Variants in AGAP1 observed in about 807,000 individuals in gnomAD.
AGAP1 encodes the protein arf-GAP with GTPase, ANK repeat and PH domain-containing protein 1.
In AGAP1, 29 loss-of-function variants were observed where a neutral mutation model predicts 105.3. The ratio of observed to expected loss-of-function variants is 0.28; its 90% CI spans 0.21 to 0.38. AGAP1 has a LOEUF of 0.38. Ranked by LOEUF, AGAP1 falls within the 10% of genes least tolerant of loss-of-function variation. AGAP1 has a pLI of 1.00. For synonymous variants in AGAP1, 509 were observed against 485.9 expected, an observed-to-expected ratio of 1.05 and a Z score of -0.63; for missense variants, 998 against 1,165.1, an observed-to-expected ratio of 0.86 and a Z score of 2.09.
At chr2:236,118,670 T>A (rs1235133796) in intron 16 of AGAP1, among the ~76,000 whole-genome samples, 2 of 152,190 alleles carry the variant, frequency 1.3e-5, no homozygotes, top group Admixed American at 6.5e-5. Flanking sequence ...ATTACAGGCA[T>A]GAGCCACTGC....
intron 16 of AGAP1, among the ~76,000 whole-genome samples, chr2:236,077,517 T>C (rs1159364239): frequency 1.3e-5 from 2 of 151,940 alleles, no homozygotes; most frequent in African/African-American, 2.4e-5. Context: ...CGGGGTTTCA[T>C]CATATTGGTC....
Position 235,712,101 on chromosome 2 carries a change from T to G in AGAP1, c.222+2864T>G, listed in dbSNP as rs1950887705. ...GTGCAGTGGCGCCATCTCGGCTCAC[T>G]GCAACCTGCCTCCTGGGTTCAAGTG... On this transcript the variant is annotated intron_variant, in intron 2 of 17. Transcript: ENST00000304032. This position sits in a 1 kb window ranked among gnomAD's most constrained non-coding sequence, Gnocchi z 6.0. Among the ~76,000 whole-genome samples the G allele has an allele frequency of 6.6e-6, 1 of 152,134 alleles. No homozygotes were observed. Among genetic ancestry groups the G allele is most frequent in the African/African-American group, 2.4e-5 (1 of 41,440 alleles).
In AGAP1 at chr2:236,099,524, A is replaced by C. The variant is rs149638730; in HGVS notation, c.2115-20668A>C. 6.9e-3 allele frequency among the ~76,000 whole-genome samples: 1,054 copies of C among 152,246 alleles called. 10 individuals carry two copies. Among genetic ancestry groups the C allele is most frequent in the African/African-American group, 0.024 (984 of 41,560 alleles). On this transcript the variant is annotated intron_variant, in intron 16 of 17. Transcript: ENST00000304032. Reference sequence around the variant, plus strand: ...CAGCATTCAGGACATTAAATAAGTCATTTGCTGTCACCATCCTTTCAAAAA... The same window carrying C: ...CAGCATTCAGGACATTAAATAAGTCCTTTGCTGTCACCATCCTTTCAAAAA...
intron 1 of AGAP1, among the ~76,000 whole-genome samples, chr2:235,590,680 TGTGTGCGTGTGC>T (rs1553574142): frequency 4.3e-5 from 5 of 116,504 alleles, no homozygotes; most frequent in Non-Finnish European, 9.1e-5. Flanking sequence ...TGTGTGTGTG[TGTGTGCGTGTGC>T]GTGTGTGTGT....
At chr2:235,718,454 A>AC in intron 3 of AGAP1, 1 of 934,216 alleles carries the variant, frequency 1.1e-6, no homozygotes, top group African/African-American at 1.8e-5. Context: ...GAAAGGCACC[A>AC]CTTTGTACTG....
rs1482906478 is a variant in AGAP1 at position 235,855,434 on chromosome 2, T to C, written c.1051-27911T>C. Among the ~76,000 whole-genome samples the C allele has an allele frequency of 6.6e-6, 1 of 152,218 alleles. No homozygotes were observed. The highest frequency in any genetic ancestry group is 1.5e-5 in the Non-Finnish European group (1 of 68,042). On this transcript the variant is annotated intron_variant, in intron 9 of 17. Coordinates refer to ENST00000304032, the MANE Select transcript of AGAP1 (RefSeq NM_001037131.3). The surrounding 1 kb of genome is among the most constrained non-coding windows in gnomAD (Gnocchi z 5.0). ...ATAATTGCTAAAGTTTCTTTAGATG[T>C]CCTTATTCATTCAGTTACAGATTTA...
intron 2 of AGAP1, among the ~76,000 whole-genome samples, chr2:235,717,033 C>T (rs536967813): frequency 3.2e-4 from 48 of 152,162 alleles, no homozygotes; most frequent in African/African-American, 1.1e-3. Flanking sequence ...TGTGGCCGGC[C>T]CCTGCCTTGC....
At chr2:235,619,914 G>A (rs986666711) in intron 1 of AGAP1, among the ~76,000 whole-genome samples, 6 of 152,058 alleles carry the variant, frequency 3.9e-5, no homozygotes, top group Non-Finnish European at 7.3e-5. Context: ...GCTGGGCTTG[G>A]TTTTCCTGAG....
In AGAP1 at chr2:235,973,306, A is replaced by C. The variant is rs1045661973; in HGVS notation, c.1645+4683A>C. On this transcript the variant is annotated intron_variant, in intron 13 of 17. Transcript: ENST00000304032. The surrounding 1 kb of genome is among the most constrained non-coding windows in gnomAD (Gnocchi z 4.7). ...TTCTTAGGTTTACCATTTAAAATGA[A>C]TCGGAGGAATCTGGAAAGTTACAGA... Among the ~76,000 whole-genome samples, 1 of 152,190 alleles carries C rather than the reference A, an allele frequency of 6.6e-6. No individual in the cohort carries two copies. The highest frequency in any genetic ancestry group is 2.4e-5 in the African/African-American group (1 of 41,452).
At chr2:235,818,600 G>A (rs1367972205) in intron 9 of AGAP1, among the ~76,000 whole-genome samples, 1 of 152,168 alleles carries the variant, frequency 6.6e-6, no homozygotes, top group East Asian at 1.9e-4. Context: ...GGGCCACCAT[G>A]CCCAGCTACG....
chr2:235,514,767 C>T (rs978648023), intron 1 of AGAP1, among the ~76,000 whole-genome samples: 3 of 152,354 alleles, frequency 2.0e-5, no homozygotes, highest in Non-Finnish European at 2.9e-5. Flanking sequence ...AACCAAACCC[C>T]GGTGTCTCAT....
intron 16 of AGAP1, among the ~76,000 whole-genome samples, chr2:236,110,080 G>C (rs542219618): frequency 1.7e-4 from 26 of 152,312 alleles, no homozygotes; most frequent in Admixed American, 1.5e-3. Context: ...CAGTCTGTCG[G>C]GTGTCCCAGC....
At chr2:235,984,729 C>T (rs992840896) in intron 13 of AGAP1, among the ~76,000 whole-genome samples, 6 of 151,960 alleles carry the variant, frequency 3.9e-5, no homozygotes, top group South Asian at 2.1e-4. Context: ...TGTGTTAGTT[C>T]GCCGAGGAAG....
At position 236,113,752 on chromosome 2, in the gene AGAP1, C is replaced by A. The variant is rs2059706861; in HGVS notation, c.2115-6440C>A. On this transcript the variant is annotated intron_variant, in intron 16 of 17. Coordinates refer to ENST00000304032, the MANE Select transcript of AGAP1 (RefSeq NM_001037131.3). The surrounding 1 kb of genome is among the most constrained non-coding windows in gnomAD (Gnocchi z 4.3). ...GAGTGTCTGTCTCCGAGCTGGCAGA[C>A]CCCGAAAAATCCAGAGGGTTCACGG... is the stretch of plus-strand genomic sequence containing the variant. Among the ~76,000 whole-genome samples the A allele has an allele frequency of 6.6e-6, 1 of 152,132 alleles. No homozygotes were observed. The highest frequency in any genetic ancestry group is 1.5e-5 in the Non-Finnish European group (1 of 68,030).
chr2:235,718,364 T>C, intron 3 of AGAP1: 12 of 985,588 alleles, frequency 1.2e-5, no homozygotes, highest in Non-Finnish European at 1.4e-5. Context: ...TCTTACTGGC[T>C]GTTCCATTCT....
rs146549898 is a variant in AGAP1, at chr2:235,939,959, C to G, written c.1483+9036C>G. On this transcript the variant is annotated intron_variant, in intron 12 of 17. Transcript: ENST00000304032. ...ATTCACATCCCCAGCCATGACTCCT[C>G]TCTCCTCATTGAACGCAGGTAAGCA... Among the ~76,000 whole-genome samples the G allele has an allele frequency of 3.8e-3, 582 of 152,280 alleles. 3 individuals carry two copies. Among genetic ancestry groups the G allele is most frequent in the Non-Finnish European group, 4.2e-3 (288 of 68,022 alleles).
chr2:235,860,043 T>C (rs1575633642), intron 9 of AGAP1, among the ~76,000 whole-genome samples: 1 of 152,340 alleles, frequency 6.6e-6, no homozygotes, highest in Middle Eastern at 3.4e-3. Flanking sequence ...TCCTCAGTAA[T>C]GCTAAGTTTA....
rs1390243101 is a variant in AGAP1 at position 236,105,946 on chromosome 2, A to G, written c.2115-14246A>G. ...GTGAGAATCCCATTCATGGGAGTCT[A>G]CTCTCCTGACCTAATCACCTCCCAG... is the stretch of plus-strand genomic sequence containing the variant. On this transcript the variant is annotated intron_variant, in intron 16 of 17. Transcript: ENST00000304032. The surrounding 1 kb of genome is among the most constrained non-coding windows in gnomAD (Gnocchi z 4.2). 1.3e-5 allele frequency among the ~76,000 whole-genome samples: 2 copies of G among 151,878 alleles called. No homozygotes were observed. Among genetic ancestry groups the G allele is most frequent in the African/African-American group, 4.8e-5 (2 of 41,348 alleles).
At chr2:236,084,660 T>C (rs992211543) in intron 16 of AGAP1, among the ~76,000 whole-genome samples, 1 of 152,206 alleles carries the variant, frequency 6.6e-6, no homozygotes, top group Non-Finnish European at 1.5e-5. Context: ...CCCAGGACTT[T>C]GGGAGGCTGA....
Sources: gnomAD v4.1 joint callset for allele counts (sites outside exome capture counted in the v4.1 genomes callset) on GRCh38, gnomAD v4.1.1 for gene constraint, Gnocchi (gnomAD v3.1) non-coding constraint, MANE v1.5 for transcripts, NCBI Gene and HGNC (gene_info 2026-07-23, HGNC 2026-07-21) for gene names.